WDR41: variants seen among roughly 807,000 people sequenced by gnomAD.
WDR41 encodes the protein WD repeat domain 41.
WDR41 carries 63 observed loss-of-function variants against 69.3 expected under a neutral mutation model. The observed-to-expected ratio is 0.91, with a 90% CI of 0.74 to 1.12. The LOEUF is 1.12. WDR41 is among the 50% of genes most tolerant of loss of function. The probability of loss-of-function intolerance (pLI) is 0.00; values close to 1 mark genes in which losing one functional copy is unlikely to be tolerated. For missense variants in WDR41, 543 were observed against 534.5 expected (o/e 1.02, Z -0.16); for synonymous variants, 185 against 192.1 (o/e 0.96, Z 0.31).
At chr5:77,610,892 T>C (rs1744532639) in intron 1 of WDR41, among the ~76,000 whole-genome samples, 1 of 151,938 alleles carries the variant, frequency 6.6e-6, no homozygotes, top group Non-Finnish European at 1.5e-5. Context: ...CCCATCAGTG[T>C]GCTGTATTCA....
At chr5:77,522,562 C>T (rs2112193324) in intron 1 of WDR41, among the ~76,000 whole-genome samples, 1 of 152,198 alleles carries the variant, frequency 6.6e-6, no homozygotes, top group Admixed American at 6.5e-5. Flanking sequence ...ATCTCTTGAA[C>T]CCGGGAGGCA....
At chr5:77,577,831 C>T (rs1006703868) in intron 1 of WDR41, among the ~76,000 whole-genome samples, 2 of 152,148 alleles carry the variant, frequency 1.3e-5, no homozygotes, top group East Asian at 3.9e-4. Flanking sequence ...TAAGTTGAAA[C>T]TATCATAAGT....
chr5:77,481,784 C>CAA (rs61463461), intron 2 of WDR41, among the ~76,000 whole-genome samples: 1,885 of 85,704 alleles, frequency 0.022, 33 homozygotes, highest in Non-Finnish European at 0.033. Context: ...GACTCCGTCT[C>CAA]AAAAAAAAAA....
At chr5:77,474,058 G>A (rs1475665296) in intron 2 of WDR41, among the ~76,000 whole-genome samples, 1 of 152,148 alleles carries the variant, frequency 6.6e-6, no homozygotes, top group Non-Finnish European at 1.5e-5. Flanking sequence ...ATGATAGACT[G>A]GATTAAGAAA....
At chr5:77,587,798 TGGAGATTAGGACACAA>T (rs1280084555) in intron 1 of WDR41, among the ~76,000 whole-genome samples, 3 of 152,112 alleles carry the variant, frequency 2.0e-5, no homozygotes, top group Admixed American at 6.5e-5. Context: ...TTAGGACACA[TGGAGATTAGGACACAA>T]GGAGATTAGG....
intron 1 of WDR41, among the ~76,000 whole-genome samples, chr5:77,552,114 T>C (rs1199420960): frequency 6.6e-6 from 1 of 150,748 alleles, no homozygotes; most frequent in South Asian, 2.1e-4. Context: ...ATGCAATTGA[T>C]GCAGGGGAGG....
intron 2 of WDR41, among the ~76,000 whole-genome samples, chr5:77,474,403 T>C (rs1016022395): frequency 1.3e-5 from 2 of 151,892 alleles, no homozygotes; most frequent in Non-Finnish European, 2.9e-5. Flanking sequence ...AACCTGCACA[T>C]TGTGCACATG....
chr5:77,571,768 G>C (rs778398202), intron 1 of WDR41, among the ~76,000 whole-genome samples: 3 of 152,132 alleles, frequency 2.0e-5, no homozygotes, highest in Non-Finnish European at 4.4e-5. Flanking sequence ...AAACTTTATG[G>C]ACCATTTTTC....
intron 4 of WDR41, among the ~76,000 whole-genome samples, chr5:77,459,367 C>T (rs1799951378): frequency 6.6e-6 from 1 of 151,896 alleles, no homozygotes; most frequent in African/African-American, 2.4e-5. Flanking sequence ...TTGAAAATGC[C>T]AACATAATGA....
intron 2 of WDR41, among the ~76,000 whole-genome samples, chr5:77,473,141 A>G (rs538829815): frequency 6.6e-6 from 1 of 152,284 alleles, no homozygotes; most frequent in African/African-American, 2.4e-5. Flanking sequence ...ATAACGCCGC[A>G]TATCTACAAC....
At chr5:77,437,203 T>C in intron 11 of WDR41, 133 bp downstream of exon 11, 2 of 739,022 alleles carry the variant, frequency 2.7e-6, no homozygotes, top group South Asian at 3.3e-5. Flanking sequence ...ACCATATGCT[T>C]TCTATAAACA....
chr5:77,438,219 A>C (rs746459687), intron 10 of WDR41, 21 bp downstream of exon 10: 3 of 1,613,594 alleles, frequency 1.9e-6, no homozygotes. Flanking sequence ...CATCTATTGC[A>C]GAACAGATGG....
chr5:77,433,993 A>C (rs1172364022), intron 12 of WDR41, among the ~76,000 whole-genome samples: 1 of 152,206 alleles, frequency 6.6e-6, no homozygotes, highest in African/African-American at 2.4e-5. Context: ...CAGAAAAGTG[A>C]ATCAATGAAA....
intron 2 of WDR41, among the ~76,000 whole-genome samples, chr5:77,484,507 A>G (rs1285231410): frequency 6.6e-6 from 1 of 152,232 alleles, no homozygotes; most frequent in Non-Finnish European, 1.5e-5. Context: ...CTTTAAAAAA[A>G]TGCCAGATAT....
intron 2 of WDR41, among the ~76,000 whole-genome samples, chr5:77,482,823 G>C (rs1410073723): frequency 6.7e-6 from 1 of 150,090 alleles, no homozygotes; most frequent in African/African-American, 2.5e-5. Context: ...AGAAAATGCA[G>C]GCACAGAATG....
intron 8 of WDR41, among the ~76,000 whole-genome samples, chr5:77,446,341 A>C (rs907661949): frequency 6.6e-6 from 1 of 152,212 alleles, no homozygotes; most frequent in Admixed American, 6.5e-5. Context: ...GAAAATGGCC[A>C]TATTGCCTAA....
intron 1 of WDR41, among the ~76,000 whole-genome samples, chr5:77,521,360 A>T (rs1802368855): frequency 6.6e-6 from 1 of 152,228 alleles, no homozygotes; most frequent in South Asian, 2.1e-4. Context: ...GCCGGCTCCC[A>T]TGCCACTCAC....
intron 1 of WDR41, among the ~76,000 whole-genome samples, chr5:77,540,887 G>A (rs1743076531): frequency 1.3e-5 from 2 of 152,164 alleles, no homozygotes; most frequent in African/African-American, 4.8e-5. Context: ...ACTAAAAGGA[G>A]AATGTCTTGT....
intron 1 of WDR41, among the ~76,000 whole-genome samples, chr5:77,521,931 T>G (rs1287252841): frequency 2.0e-5 from 3 of 152,206 alleles, no homozygotes; most frequent in Admixed American, 2.0e-4. Flanking sequence ...GCCGTAGGTC[T>G]TTAGTCTTCA....
Sources: gnomAD v4.1 joint callset for allele counts (sites outside exome capture counted in the v4.1 genomes callset) on GRCh38, gnomAD v4.1.1 for gene constraint, MANE v1.5 for transcripts, NCBI Gene and HGNC (gene_info 2026-07-23, HGNC 2026-07-21) for gene names.